Variants in CYP11A1 observed in about 807,000 individuals in gnomAD.
CYP11A1 encodes cholesterol side-chain cleavage enzyme, mitochondrial.
A neutral mutation model predicts 51.9 loss-of-function variants in CYP11A1; 25 were observed. That is an observed-to-expected ratio of 0.48 (90% CI 0.35 to 0.67). CYP11A1 has a LOEUF of 0.67. CYP11A1 is among the 30% of genes least tolerant of loss of function. The pLI is 0.00. For synonymous variants in CYP11A1, 245 were observed against 262.1 expected (o/e 0.93, Z 0.63); for missense variants, 578 against 680.9 (o/e 0.85, Z 1.68).
In CYP11A1 at chr15:74,339,332, C is replaced by T; in HGVS notation, c.1158-17G>A. On this transcript the variant is annotated splice_polypyrimidine_tract_variant and intron_variant, in intron 6 of 8. Transcript: ENST00000268053. ...GGGTGAAGTCTGCGGGAGGAGGGCA[C>T]TCAGAAGCTGATGGCCCCAAAGGCT... 1.2e-6 allele frequency: 2 copies of T among 1,611,224 alleles called. No homozygotes were observed. The highest frequency in any genetic ancestry group is 2.2e-5 in the East Asian group (1 of 44,862).
At chr15:74,352,141 C>T (rs372653828) in intron 1 of CYP11A1, among the ~76,000 whole-genome samples, 4 of 151,922 alleles carry the variant, frequency 2.6e-5, no homozygotes, top group East Asian at 3.9e-4. Context: ...TTCAAGTTCA[C>T]GTGACTTAAA....
At chr15:74,351,808 T>C (rs939732971) in intron 1 of CYP11A1, among the ~76,000 whole-genome samples, 17 of 152,236 alleles carry the variant, frequency 1.1e-4, no homozygotes, top group African/African-American at 4.1e-4. Context: ...GCTGCAGCTC[T>C]AAGCAGGGGG....
At position 74,338,643 on chromosome 15, in the gene CYP11A1, G is replaced by A. The variant is rs1254018660; in HGVS notation, c.1362C>T (p.Gly454=). The part of the protein sequence containing the change: ...DKNITYFRNL[G]FGWGVRQCLG... ...GACACTGCCGCACACCCCAGCCAAA[G>A]CCCAAGTTCCGGAAGTAGGTGATGT... The change falls in exon 8 of 9, where the codon GGC becomes GGT. Residue 454 remains glycine (G), a synonymous_variant. Transcript: ENST00000268053. 4 of 1,614,064 alleles carry A rather than the reference G, an allele frequency of 2.5e-6. No individual in the cohort carries two copies. The highest frequency in any genetic ancestry group is 3.4e-6 in the Non-Finnish European group (4 of 1,180,024).
chr15:74,345,305 G>T lies in CYP11A1; in HGVS notation c.426-62C>A. ...AGACCCCAGGCCTGGTGAACACAGA[G>T]GGGGCTGACTCAGTTTTCCCAGGAA... is the stretch of plus-strand genomic sequence containing the variant. On this transcript the variant is annotated intron_variant, in intron 2 of 8. Transcript: ENST00000268053. This position sits in a 1 kb window ranked among gnomAD's most constrained non-coding sequence, Gnocchi z 4.3. 1 of 1,583,186 alleles carries T rather than the reference G, an allele frequency of 6.3e-7. No homozygotes were observed. Among genetic ancestry groups the T allele is most frequent in the East Asian group, 2.3e-5 (1 of 44,372 alleles).
At chr15:74,351,500 A>T (rs2060656504) in intron 1 of CYP11A1, among the ~76,000 whole-genome samples, 1 of 152,192 alleles carries the variant, frequency 6.6e-6, no homozygotes, top group Admixed American at 6.5e-5. Context: ...ATTACAGTTC[A>T]TGGCTACTCT....
At position 74,338,708 on chromosome 15, in the gene CYP11A1, C is replaced by G; in HGVS notation, c.1297G>C (p.Glu433Gln). 1.2e-6 allele frequency: 2 copies of G among 1,614,200 alleles called. No individual in the cohort carries two copies. The highest frequency in any genetic ancestry group is 1.6e-4 in the Middle Eastern group (1 of 6,062). The change falls in exon 8 of 9, where the codon GAA becomes CAA. Residue 433 changes from glutamate (E) to glutamine (Q), a missense_variant. Physicochemically the swap from Glu to Gln is conservative, Grantham distance 29. Coordinates refer to ENST00000268053, the MANE Select transcript of CYP11A1 (RefSeq NM_000781.3). ...AGCCATCGGGTTGGGTCAAAATTTT[C>G]CGGGTCGAAGAAGAAGGTGGGCTCT... ...GREPTFFFDP[E>Q]NFDPTRWLSK...
chr15:74,367,347 T>G lies in CYP11A1; in HGVS notation c.239A>C (p.Gln80Pro). The G allele has an allele frequency of 6.2e-7, 1 of 1,614,192 alleles. No homozygotes were observed. Among genetic ancestry groups the G allele is most frequent in the South Asian group, 1.1e-5 (1 of 91,070 alleles). Residue 80 changes from glutamine (Q) to proline (P), a missense_variant, in exon 1 of 9, where the codon CAG (glutamine) becomes CCG (proline). Transcript: ENST00000268053. The stretch of plus-strand genomic sequence containing the variant: ...AATCGGGCCATACTTCTGGAAATTC[T>G]GGACATGGTGAAGGTGGACTTTGTG... ...GTHKVHLHHVQNFQKYGPIYR... is the reference protein window; with the variant it reads ...GTHKVHLHHVPNFQKYGPIYR...
intron 1 of CYP11A1, among the ~76,000 whole-genome samples, chr15:74,360,864 T>C (rs2060705184): frequency 6.6e-6 from 1 of 152,116 alleles, no homozygotes; most frequent in Non-Finnish European, 1.5e-5. Flanking sequence ...GATCATGCCA[T>C]TGCACTCCAG....
chr15:74,344,139 C>G, intron 3 of CYP11A1, 147 bp from the exon 4 acceptor site: 1 of 687,144 alleles, frequency 1.5e-6, no homozygotes, highest in South Asian at 1.8e-5. Context: ...TAAATTGAGG[C>G]CTGAGTCCCA....
At chr15:74,364,886 A>T (rs1427705983) in intron 1 of CYP11A1, among the ~76,000 whole-genome samples, 1 of 152,098 alleles carries the variant, frequency 6.6e-6, no homozygotes, top group Non-Finnish European at 1.5e-5. Context: ...TCAACCTTGA[A>T]TAGGGTGGGG....
intron 1 of CYP11A1, chr15:74,350,768 C>G (rs751376579): frequency 6.6e-6 from 1 of 152,074 alleles, no homozygotes; most frequent in Non-Finnish European, 1.5e-5. Flanking sequence ...CCCCTGAGCT[C>G]CTACACTCAG....
intron 1 of CYP11A1, among the ~76,000 whole-genome samples, chr15:74,354,249 C>T (rs988245829): frequency 1.3e-5 from 2 of 152,166 alleles, no homozygotes; most frequent in African/African-American, 4.8e-5. Flanking sequence ...GTGAAAATGG[C>T]CTGTTCCTGC....
At chr15:74,363,597 C>A (rs1417209875) in intron 1 of CYP11A1, 1 of 152,196 alleles carries the variant, frequency 6.6e-6, no homozygotes, top group Admixed American at 6.5e-5. Flanking sequence ...GTATTATCCT[C>A]CTAATAGCCA....
At chr15:74,352,264 C>CTTTTTT (rs34304260) in intron 1 of CYP11A1, among the ~76,000 whole-genome samples, 40 of 86,080 alleles carry the variant, frequency 4.6e-4, no homozygotes, top group East Asian at 9.9e-4. Context: ...TCTTTGCTAT[C>CTTTTTT]TTTTTTTTTT....
intron 4 of CYP11A1, 116 bp from the exon 5 acceptor site, chr15:74,343,253 C>T (rs1004836035): frequency 5.8e-6 from 6 of 1,039,382 alleles, no homozygotes; most frequent in Non-Finnish European, 8.8e-6. Context: ...CCCTGTGCTT[C>T]TTAGGCTGCC....
chr15:74,346,118 C>A (rs772461896), intron 2 of CYP11A1, among the ~76,000 whole-genome samples: 9 of 151,998 alleles, frequency 5.9e-5, no homozygotes, highest in African/African-American at 2.2e-4. Flanking sequence ...TTTGGGAGAC[C>A]GAGGCAGGTG....
chr15:74,344,805 A>T (rs2060624222), intron 3 of CYP11A1: 2 of 569,030 alleles, frequency 3.5e-6, no homozygotes, highest in African/African-American at 1.9e-5. Flanking sequence ...TACAGCACAA[A>T]TGCCAGATGA....
rs186051105 is a variant in CYP11A1 at position 74,347,048 on chromosome 15, T to C, written c.425+852A>G. Among the ~76,000 whole-genome samples the C allele has an allele frequency of 3.1e-3, 477 of 152,166 alleles. 3 individuals carry two copies. Among genetic ancestry groups the C allele is most frequent in the South Asian group, 0.026 (124 of 4,820 alleles). On this transcript the variant is annotated intron_variant, in intron 2 of 8. Coordinates refer to ENST00000268053, the MANE Select transcript of CYP11A1 (RefSeq NM_000781.3). ...CTTGAACTCCTGAGCTCAAGCAATC[T>C]GTCCGCCTTGGCCTCCCAAAGTGCT...
intron 1 of CYP11A1, chr15:74,366,083 G>A: frequency 1.0e-6 from 1 of 985,566 alleles, no homozygotes; most frequent in Non-Finnish European, 1.2e-6. Flanking sequence ...GTGTCGAGGG[G>A]AGGCGGAGGT....
Sources: allele counts gnomAD v4.1 joint callset (sites outside exome capture counted in the v4.1 genomes callset), GRCh38; gene constraint gnomAD v4.1.1; non-coding constraint Gnocchi (gnomAD v3.1); transcripts MANE v1.5; gene names NCBI Gene and HGNC (gene_info 2026-07-23, HGNC 2026-07-21).